TUBA3D: variants seen among roughly 807,000 people sequenced by gnomAD.
The protein encoded by TUBA3D is tubulin alpha 3d.
A neutral mutation model predicts 36.1 loss-of-function variants in TUBA3D; 24 were observed. The observed-to-expected ratio is 0.66, with a 90% CI of 0.48 to 0.93. TUBA3D has a LOEUF of 0.93. Ranked by LOEUF, TUBA3D falls within the 40% of genes least tolerant of loss-of-function variation. The probability of loss-of-function intolerance (pLI) is 0.00; values close to 1 mark genes in which losing one functional copy is unlikely to be tolerated. For synonymous variants in TUBA3D, 185 were observed against 247.2 expected, an observed-to-expected ratio of 0.75 and a Z score of 2.36; for missense variants, 356 against 614.5, an observed-to-expected ratio of 0.58 and a Z score of 4.45.
intron 1 of TUBA3D, among the ~76,000 whole-genome samples, chr2:131,477,477 G>A (rs748609443): frequency 3.3e-5 from 5 of 152,102 alleles, no homozygotes; most frequent in African/African-American, 2.4e-5. Context: ...AGGGCAGCCT[G>A]CCAAAAGTGT....
intron 1 of TUBA3D, among the ~76,000 whole-genome samples, 189 bp downstream of exon 1, chr2:131,476,391 T>C (rs1029632971): frequency 2.0e-5 from 3 of 152,156 alleles, no homozygotes; most frequent in African/African-American, 4.8e-5. Context: ...GACGGCGGCT[T>C]TTGTTTTAGA....
chr2:131,480,035 T>C (rs149224096), intron 3 of TUBA3D, 34 bp from the exon 4 acceptor site: 155,860 of 1,248,072 alleles, frequency 0.12, 12,241 homozygotes, highest in African/African-American at 0.45. Context: ...GTGGCTTCCA[T>C]GGGCATTGGC....
At chr2:131,479,073 T>C (rs4065349) in intron 2 of TUBA3D, among the ~76,000 whole-genome samples, 25,976 of 152,258 alleles carry the variant, frequency 0.17, 4,066 homozygotes, top group African/African-American at 0.42. Context: ...GGGAACTGGT[T>C]GTGCTGACAT....
At position 131,478,119 on chromosome 2, in the gene TUBA3D, G is replaced by C. The variant is rs761559557; in HGVS notation, c.4-45G>C. 5.0e-6 allele frequency: 8 copies of C among 1,589,536 alleles called. No homozygotes were observed. The East Asian group carries it at 1.3e-4, about 27-fold the overall frequency. ...TATTTTGCATGCCATATAGTTTCAA[G>C]TTGCCTTGAAATGAATGGGTTCACT... On this transcript the variant is annotated intron_variant, in intron 1 of 4. Coordinates refer to ENST00000321253, the MANE Select transcript of TUBA3D (RefSeq NM_080386.4).
Position 131,482,665 on chromosome 2 carries a change from C to G in TUBA3D, c.1170C>G (p.Arg390=). Reference sequence around the variant, plus strand: ...CGGCCATTGCGGAGGCCTGGGCCCGCCTGGACCATAAGTTCGATCTCATGT... The same window carrying G: ...CGGCCATTGCGGAGGCCTGGGCCCGGCTGGACCATAAGTTCGATCTCATGT... ...NTTAIAEAWA[R]LDHKFDLMYA... The change falls in exon 5 of 5, where the codon CGC becomes CGG. Residue 390 remains arginine (R), a synonymous_variant. Coordinates refer to ENST00000321253, the MANE Select transcript of TUBA3D (RefSeq NM_080386.4). 1 of 1,614,170 alleles carries G rather than the reference C, an allele frequency of 6.2e-7. No individual in the cohort carries two copies. Among genetic ancestry groups the G allele is most frequent in the Non-Finnish European group, 8.5e-7 (1 of 1,180,038 alleles).
Position 131,482,845 on chromosome 2 carries a change from C to T in TUBA3D, c.1350C>T (p.Tyr450=), listed in dbSNP as rs1678908341. 1.2e-6 allele frequency: 2 copies of T among 1,612,924 alleles called. No homozygotes were observed. The highest frequency in any genetic ancestry group is 2.7e-5 in the African/African-American group (2 of 74,904). Reference sequence around the variant, plus strand: ...CTGAGGCTGAAGAAGGCGAAGAATACTGAGGGGAGGGTGTGGTGGGTTCTC... The same window carrying T: ...CTGAGGCTGAAGAAGGCGAAGAATATTGAGGGGAGGGTGTGGTGGGTTCTC... ...VEAEAEEGEE[Y] Residue 450 remains tyrosine (Y), a synonymous_variant, in exon 5 of 5, where the codon TAC becomes TAT. Coordinates refer to ENST00000321253, the MANE Select transcript of TUBA3D (RefSeq NM_080386.4).
At chr2:131,479,784 G>T (rs183926391) in intron 3 of TUBA3D, among the ~76,000 whole-genome samples, 34 of 152,146 alleles carry the variant, frequency 2.2e-4, no homozygotes, top group Non-Finnish European at 2.6e-4. Context: ...AGGTTGCAAT[G>T]AGCTGAGATT....
chr2:131,482,506 G>C, intron 4 of TUBA3D, 46 bp from the exon 5 acceptor site: 2 of 1,549,520 alleles, frequency 1.3e-6, no homozygotes, highest in Non-Finnish European at 1.7e-6. Flanking sequence ...CCATTTCTAG[G>C]TTTGATATAA....
chr2:131,481,496 C>T (rs1337367176), intron 4 of TUBA3D, among the ~76,000 whole-genome samples: 5 of 146,418 alleles, frequency 3.4e-5, no homozygotes, highest in Admixed American at 6.8e-5. Flanking sequence ...AATGCAGTGG[C>T]GTGATCTTGA....
chr2:131,476,712 T>A (rs1189360497), intron 1 of TUBA3D, among the ~76,000 whole-genome samples: 2 of 151,954 alleles, frequency 1.3e-5, no homozygotes, highest in Non-Finnish European at 2.9e-5. Flanking sequence ...GGCGGGCGGA[T>A]CACCTGATGT....
Position 131,482,711 on chromosome 2 carries a change from C to T in TUBA3D, c.1216C>T (p.His406Tyr). Residue 406 changes from histidine (H) to tyrosine (Y), a missense_variant, in exon 5 of 5, where the codon CAC becomes TAC. Physicochemically the swap from His to Tyr is moderately conservative, Grantham distance 83 (BLOSUM62 2). Around this residue, in one of 3 missense-constraint regions of TUBA3D, gnomAD observed 156 missense variants for 219.8 expected, o/e 0.71. Transcript: ENST00000321253. ...DLMYAKRAFV[H>Y]WYVGEGMEEG... The stretch of plus-strand genomic sequence containing the variant: ...CATGTATGCCAAGCGGGCCTTTGTG[C>T]ACTGGTACGTGGGCGAAGGCATGGA... The T allele has an allele frequency of 2.5e-6, 4 of 1,614,164 alleles. No individual in the cohort carries two copies. The highest frequency in any genetic ancestry group is 3.4e-6 in the Non-Finnish European group (4 of 1,180,040).
In TUBA3D at chr2:131,482,578, A is replaced by G. The variant is rs774855162; in HGVS notation, c.1083A>G (p.Thr361=). Residue 361 remains threonine, a synonymous_variant, in exon 5 of 5, where the codon ACA becomes ACG. Transcript: ENST00000321253. ...FKVGINYQPP[T]VVPGGDLAKV... is the part of the protein sequence containing the mutation. ...TGGGCATTAACTACCAGCCCCCCACAGTGGTCCCCGGGGGAGACCTGGCCA... is the reference window on the plus strand; with the variant it reads ...TGGGCATTAACTACCAGCCCCCCACGGTGGTCCCCGGGGGAGACCTGGCCA... 1.3e-4 allele frequency: 207 copies of G among 1,610,888 alleles called. No homozygotes were observed. Among genetic ancestry groups the G allele is most frequent in the Non-Finnish European group, 1.7e-4 (197 of 1,177,718 alleles).
rs143844316 is a variant in TUBA3D at position 131,478,055 on chromosome 2, C to T, written c.4-109C>T. The T allele has an allele frequency of 6.1e-4, 868 of 1,432,722 alleles. 7 individuals carry two copies. In the African/African-American group the frequency reaches 0.011, roughly 19 times the overall value. 88.8% of individuals were successfully genotyped at this position (1,432,722 alleles called of 1,614,324 possible). On this transcript the variant is annotated intron_variant, in intron 1 of 4. Coordinates refer to ENST00000321253, the MANE Select transcript of TUBA3D (RefSeq NM_080386.4). ...TCCTAGGAAATATCGATTGTGAAAG[C>T]GCCAGATACTGAAGCAGTATATAAA...
intron 1 of TUBA3D, 118 bp downstream of exon 1, chr2:131,476,320 G>A (rs1355768920): frequency 6.4e-7 from 1 of 1,551,862 alleles, no homozygotes; most frequent in Non-Finnish European, 8.8e-7. Context: ...AAGGACGCAG[G>A]GTCTAGTGCG....
rs771040704 is a variant in TUBA3D, at chr2:131,482,797, G to A, written c.1302G>A (p.Glu434=). 6.2e-7 allele frequency: 1 copy of A among 1,614,246 alleles called. No individual in the cohort carries two copies. The highest frequency in any genetic ancestry group is 1.1e-5 in the South Asian group (1 of 91,088). Residue 434 remains glutamate, a synonymous_variant, in exon 5 of 5, where the codon GAG becomes GAA. Coordinates refer to ENST00000321253, the MANE Select transcript of TUBA3D (RefSeq NM_080386.4). ...DLAALEKDYE[E]VGVDSVEAEA... Reference sequence around the variant, plus strand: ...CAGCTCTAGAGAAGGATTATGAAGAGGTGGGCGTGGATTCCGTGGAAGCTG... The same window carrying A: ...CAGCTCTAGAGAAGGATTATGAAGAAGTGGGCGTGGATTCCGTGGAAGCTG...
At chr2:131,477,033 C>CTTTTTTCT (rs778753012) in intron 1 of TUBA3D, among the ~76,000 whole-genome samples, 258 of 139,248 alleles carry the variant, frequency 1.9e-3, no homozygotes, top group African/African-American at 6.1e-3. Flanking sequence ...CTTTCTTTTT[C>CTTTTTTCT]TTTCTTTTTT....
chr2:131,478,014 G>C (rs1016430904), intron 1 of TUBA3D, 150 bp from the exon 2 acceptor site: 1 of 1,004,248 alleles, frequency 1.0e-6, no homozygotes, highest in Non-Finnish European at 1.4e-6. Context: ...GCGATAAAGG[G>C]ATCAGTCACT....
chr2:131,482,464 C>T (rs1678893641), intron 4 of TUBA3D, 88 bp from the exon 5 acceptor site: 1 of 1,526,694 alleles, frequency 6.6e-7, no homozygotes, highest in Non-Finnish European at 8.8e-7. Flanking sequence ...GTGTCACCTA[C>T]AGGGTGTCTT....
At chr2:131,478,935 G>A (rs1047891299) in intron 2 of TUBA3D, among the ~76,000 whole-genome samples, 1 of 152,206 alleles carries the variant, frequency 6.6e-6, no homozygotes, top group Admixed American at 6.5e-5. Context: ...GGACTGCCCT[G>A]CAGAAGTCAC....
Sources: gnomAD v4.1 joint callset for allele counts (sites outside exome capture counted in the v4.1 genomes callset) on GRCh38, gnomAD v4.1.1 for gene constraint, gnomAD v4.1.1 regional missense constraint, MANE v1.5 for transcripts, NCBI Gene and HGNC (gene_info 2026-07-23, HGNC 2026-07-21) for gene names.